The following PLCL1 variants were observed in gnomAD, a reference collection of about 807,000 sequenced individuals.
The protein encoded by PLCL1 is inactive phospholipase C-like protein 1.
Under a neutral mutation model 84.4 loss-of-function variants are expected in PLCL1, and 41 were observed. The observed-to-expected ratio is 0.49, with a 90% CI of 0.38 to 0.63. The LOEUF is 0.63. Among genes scored for constraint, PLCL1 ranks in the 30% least tolerant of loss-of-function variants. The pLI, the probability that PLCL1 is intolerant of heterozygous loss-of-function variation, is 0.00. For missense variants in PLCL1, 1,206 were observed against 1,367.8 expected (o/e 0.88, Z 1.87); for synonymous variants, 490 against 488.3 (o/e 1.00, Z -0.05).
At chr2:197,846,146 T>C (rs1559023168) in intron 1 of PLCL1, among the ~76,000 whole-genome samples, 1 of 152,142 alleles carries the variant, frequency 6.6e-6, no homozygotes. Flanking sequence ...GTATATACAC[T>C]TTTTCCAGGT....
intron 1 of PLCL1, among the ~76,000 whole-genome samples, chr2:197,963,591 G>A (rs1235949293): frequency 6.6e-6 from 1 of 151,942 alleles, no homozygotes; most frequent in Non-Finnish European, 1.5e-5. Flanking sequence ...TTAACTTGAT[G>A]TGATCCCATC....
chr2:198,048,629 G>A (rs1691859969), intron 1 of PLCL1, among the ~76,000 whole-genome samples: 1 of 152,088 alleles, frequency 6.6e-6, no homozygotes, highest in Admixed American at 6.5e-5. Flanking sequence ...GAGTGGGGAG[G>A]TCCCAGACTC....
At chr2:197,855,535 A>C (rs1365016548) in intron 1 of PLCL1, among the ~76,000 whole-genome samples, 2 of 152,234 alleles carry the variant, frequency 1.3e-5, no homozygotes, top group South Asian at 4.1e-4. Flanking sequence ...TAGCCCAGCT[A>C]GTCTGGTCCT....
chr2:198,087,357 TAAA>T (rs147644298), intron 2 of PLCL1, among the ~76,000 whole-genome samples: 1 of 151,936 alleles, frequency 6.6e-6, no homozygotes, highest in Admixed American at 6.6e-5. Flanking sequence ...GTGGTAAACT[TAAA>T]AAAAATTACT....
At chr2:197,951,726 T>C (rs1689392777) in intron 1 of PLCL1, among the ~76,000 whole-genome samples, 1 of 152,082 alleles carries the variant, frequency 6.6e-6, no homozygotes, top group African/African-American at 2.4e-5. Context: ...AGCGAACACA[T>C]AGGCACTGTC....
chr2:197,926,656 A>G (rs1377237951), intron 1 of PLCL1, among the ~76,000 whole-genome samples: 3 of 152,174 alleles, frequency 2.0e-5, no homozygotes, highest in East Asian at 1.9e-4. Flanking sequence ...TCATTTGTCT[A>G]CTATTGGCCT....
chr2:198,039,975 T>C (rs1447107458), intron 1 of PLCL1, among the ~76,000 whole-genome samples: 2 of 152,158 alleles, frequency 1.3e-5, no homozygotes, highest in Non-Finnish European at 2.9e-5. Flanking sequence ...ATGAAAAATA[T>C]GGGAGTGACA....
At chr2:198,074,724 A>C (rs1692539388) in intron 1 of PLCL1, among the ~76,000 whole-genome samples, 1 of 152,218 alleles carries the variant, frequency 6.6e-6, no homozygotes, top group Admixed American at 6.5e-5. Flanking sequence ...CATAGGACAC[A>C]AAGAGAGGTG....
At chr2:197,857,807 A>G (rs1439133606) in intron 1 of PLCL1, among the ~76,000 whole-genome samples, 1 of 152,200 alleles carries the variant, frequency 6.6e-6, no homozygotes, top group Non-Finnish European at 1.5e-5. Context: ...AGGCAAGGGC[A>G]TAAAATAGGT....
At chr2:197,813,686 A>G (rs1690634121) in intron 1 of PLCL1, among the ~76,000 whole-genome samples, 1 of 152,126 alleles carries the variant, frequency 6.6e-6, no homozygotes, top group Admixed American at 6.6e-5. Flanking sequence ...TGTGTCAAAT[A>G]ATTTAATTCT....
intron 1 of PLCL1, among the ~76,000 whole-genome samples, chr2:198,001,671 G>A (rs1452576381): frequency 4.6e-5 from 7 of 152,046 alleles, no homozygotes; most frequent in African/African-American, 1.7e-4. Context: ...CTAGAGCAGG[G>A]GTTCCCAAAC....
At chr2:198,071,070 A>T (rs902175550) in intron 1 of PLCL1, 1 of 630,624 alleles carries the variant, frequency 1.6e-6, no homozygotes, top group Non-Finnish European at 2.0e-6. Context: ...TACTATAAGT[A>T]CTCTTCTGTT....
At chr2:197,897,862 A>G (rs1001191215) in intron 1 of PLCL1, among the ~76,000 whole-genome samples, 5 of 152,230 alleles carry the variant, frequency 3.3e-5, no homozygotes, top group African/African-American at 1.2e-4. Flanking sequence ...CTCAAGAAGC[A>G]TGTGACAGGA....
intron 1 of PLCL1, among the ~76,000 whole-genome samples, chr2:197,979,783 A>G (rs932633402): frequency 1.3e-5 from 2 of 152,062 alleles, no homozygotes; most frequent in Non-Finnish European, 2.9e-5. Flanking sequence ...AGATCCCTCT[A>G]ATTTCTTCCC....
At chr2:197,889,093 T>A (rs150008419) in intron 1 of PLCL1, among the ~76,000 whole-genome samples, 1 of 152,186 alleles carries the variant, frequency 6.6e-6, no homozygotes, top group Non-Finnish European at 1.5e-5. Context: ...GCTTTAAAAA[T>A]TTTTGATCTG....
intron 1 of PLCL1, among the ~76,000 whole-genome samples, chr2:197,825,216 T>C (rs1187894211): frequency 6.6e-6 from 1 of 152,202 alleles, no homozygotes; most frequent in African/African-American, 2.4e-5. Flanking sequence ...CTGAAAGAAT[T>C]GGAATTTTGG....
chr2:198,003,577 A>G (rs1690657316), intron 1 of PLCL1, among the ~76,000 whole-genome samples: 1 of 152,216 alleles, frequency 6.6e-6, no homozygotes, highest in Non-Finnish European at 1.5e-5. Context: ...CAGAAGAACT[A>G]TGTATTTCAC....
At chr2:197,967,940 G>C (rs1689779585) in intron 1 of PLCL1, among the ~76,000 whole-genome samples, 1 of 152,090 alleles carries the variant, frequency 6.6e-6, no homozygotes, top group Non-Finnish European at 1.5e-5. Context: ...TTCTTGTAAG[G>C]CCTACTCTCT....
intron 1 of PLCL1, among the ~76,000 whole-genome samples, chr2:197,997,084 C>T (rs532292307): frequency 4.6e-5 from 7 of 152,308 alleles, no homozygotes; most frequent in Middle Eastern, 3.4e-3. Flanking sequence ...CCTGTGCTCA[C>T]GGAATCCTGA....
Sources: gnomAD v4.1 joint callset for allele counts (sites outside exome capture counted in the v4.1 genomes callset) on GRCh38, gnomAD v4.1.1 for gene constraint, MANE v1.5 for transcripts, NCBI Gene and HGNC (gene_info 2026-07-23, HGNC 2026-07-21) for gene names.